ARL15: variants seen among roughly 807,000 people sequenced by gnomAD.
ARL15 encodes the protein ADP-ribosylation factor-like protein 15.
In ARL15, 19 loss-of-function variants were observed where a neutral mutation model predicts 25.2. The ratio of observed to expected loss-of-function variants is 0.75; its 90% CI spans 0.53 to 1.10. The LOEUF (loss-of-function observed/expected upper bound fraction) is 1.10, where lower values mean the gene tolerates loss of function less well. Among genes scored for constraint, ARL15 ranks in the 50% least tolerant of loss-of-function variants. The pLI is 0.00. For synonymous variants in ARL15, 94 were observed against 86.8 expected (o/e 1.08, Z -0.46); for missense variants, 220 against 246.0 (o/e 0.89, Z 0.71).
At chr5:54,148,363 T>A (rs184848257) in intron 3 of ARL15, among the ~76,000 whole-genome samples, 35 of 152,288 alleles carry the variant, frequency 2.3e-4, no homozygotes, top group Admixed American at 5.9e-4. Flanking sequence ...ATCTGTTTCA[T>A]ATAACAGCTT....
chr5:54,275,687 ATTTAT>A (rs946450469), intron 1 of ARL15, among the ~76,000 whole-genome samples: 14 of 142,194 alleles, frequency 9.8e-5, no homozygotes, highest in African/African-American at 3.9e-4. Flanking sequence ...TTATTATTTT[ATTTAT>A]TTTTTTTTTT....
At chr5:54,297,917 G>A (rs1322000109) in intron 1 of ARL15, among the ~76,000 whole-genome samples, 1 of 152,108 alleles carries the variant, frequency 6.6e-6, no homozygotes, top group African/African-American at 2.4e-5. Context: ...CCAGCAGCTG[G>A]GACTACAGGT....
rs1207420338 is a variant in ARL15, at chr5:54,279,525, C to A, written c.48+30907G>T. Among the ~76,000 whole-genome samples, 4 of 152,112 alleles carry A rather than the reference C, an allele frequency of 2.6e-5. 1 individual carries two copies. The highest frequency in any genetic ancestry group is 9.7e-5 in the African/African-American group (4 of 41,418). ...GCTAATCCCATCAGGAGGGCCCCAC[C>A]CTCATGACCTCATCTAAACCTAATT... On this transcript the variant is annotated intron_variant, in intron 1 of 4. Transcript: ENST00000504924.
chr5:53,930,044 G>T (rs991641918), intron 4 of ARL15, among the ~76,000 whole-genome samples: 6 of 152,094 alleles, frequency 3.9e-5, no homozygotes, highest in Non-Finnish European at 2.9e-5. Context: ...AAGGCTCAAT[G>T]ATATTAAATA....
At chr5:53,951,964 ATT>A (rs1398710496) in intron 4 of ARL15, among the ~76,000 whole-genome samples, 1 of 150,478 alleles carries the variant, frequency 6.6e-6, no homozygotes, top group Non-Finnish European at 1.5e-5. Flanking sequence ...GATTTTGGAA[ATT>A]GTGTGTGAAA....
chr5:53,965,292 A>G (rs1245561088), intron 4 of ARL15, among the ~76,000 whole-genome samples: 5 of 152,192 alleles, frequency 3.3e-5, no homozygotes, highest in Admixed American at 2.6e-4. Flanking sequence ...AAATTTATTC[A>G]TGGTATTTTG....
Position 53,884,032 on chromosome 5 carries a change from C to T in ARL15, c.*2529G>A, listed in dbSNP as rs1244522241. 2 of 152,064 alleles carry T rather than the reference C, an allele frequency of 1.3e-5. No individual in the cohort carries two copies. The highest frequency in any genetic ancestry group is 4.8e-5 in the African/African-American group (2 of 41,400). 9.4% of individuals were successfully genotyped at this position (152,064 alleles called of 1,614,324 possible). On this transcript the variant is annotated 3_prime_UTR_variant, in exon 5 of 5. Transcript: ENST00000504924. ...AAGTTGGTCTTGCCTGGTAAATGTCCACATGAATCTGTTAGCCTCTAAGTA... is the reference window on the plus strand; with the variant it reads ...AAGTTGGTCTTGCCTGGTAAATGTCTACATGAATCTGTTAGCCTCTAAGTA...
intron 1 of ARL15, among the ~76,000 whole-genome samples, chr5:54,201,732 A>T (rs953480216): frequency 2.6e-5 from 4 of 152,126 alleles, no homozygotes; most frequent in Non-Finnish European, 5.9e-5. Flanking sequence ...AACCCAATGC[A>T]GTGGTCCCTA....
chr5:53,919,682 A>G (rs1421123645), intron 4 of ARL15, among the ~76,000 whole-genome samples: 2 of 152,192 alleles, frequency 1.3e-5, no homozygotes, highest in African/African-American at 4.8e-5. Context: ...GAATGGCAAC[A>G]GGGAGGGAAC....
intron 4 of ARL15, among the ~76,000 whole-genome samples, chr5:53,965,960 T>C (rs1747546583): frequency 6.6e-6 from 1 of 152,224 alleles, no homozygotes; most frequent in African/African-American, 2.4e-5. Flanking sequence ...TTTGGATAGC[T>C]GTGATATTGT....
At chr5:54,185,585 A>G (rs1755213683) in intron 1 of ARL15, among the ~76,000 whole-genome samples, 1 of 152,188 alleles carries the variant, frequency 6.6e-6, no homozygotes, top group Admixed American at 6.5e-5. Flanking sequence ...GGCTATGATT[A>G]AAAGCATGGT....
At chr5:53,948,516 A>C (rs1308820811) in intron 4 of ARL15, among the ~76,000 whole-genome samples, 2 of 152,314 alleles carry the variant, frequency 1.3e-5, no homozygotes, top group Non-Finnish European at 2.9e-5. Flanking sequence ...ATTCTTATTC[A>C]CTGAACAGAA....
At chr5:53,999,104 G>A (rs188526436) in intron 4 of ARL15, among the ~76,000 whole-genome samples, 1 of 152,250 alleles carries the variant, frequency 6.6e-6, no homozygotes, top group East Asian at 1.9e-4. Flanking sequence ...AATCTCCTAG[G>A]TAGAAAGAAC....
intron 4 of ARL15, among the ~76,000 whole-genome samples, chr5:53,946,455 G>GAAAAAAAAAAAAAAA (rs55727717): frequency 2.3e-5 from 1 of 43,956 alleles, no homozygotes; most frequent in Non-Finnish European, 4.0e-5. Flanking sequence ...GTCTCAAGAG[G>GAAAAAAAAAAAAAAA]AAAAAAAAAA....
intron 1 of ARL15, among the ~76,000 whole-genome samples, chr5:54,300,423 G>A (rs978089741): frequency 6.6e-6 from 1 of 152,184 alleles, no homozygotes; most frequent in African/African-American, 2.4e-5. Context: ...CAGATGCCAG[G>A]CATGTGTATG....
intron 1 of ARL15, among the ~76,000 whole-genome samples, chr5:54,214,694 G>C (rs1468211352): frequency 2.0e-5 from 3 of 152,074 alleles, no homozygotes; most frequent in Non-Finnish European, 4.4e-5. Context: ...CACTTCCTGT[G>C]GCCATTTCCA....
At chr5:54,300,803 C>G (rs966432496) in intron 1 of ARL15, among the ~76,000 whole-genome samples, 1 of 152,180 alleles carries the variant, frequency 6.6e-6, no homozygotes, top group Non-Finnish European at 1.5e-5. Flanking sequence ...CCAGTCTTCC[C>G]TCCCTTTCCA....
chr5:53,912,199 T>C (rs1176658022), intron 4 of ARL15: 1 of 152,114 alleles, frequency 6.6e-6, no homozygotes, highest in Non-Finnish European at 1.5e-5. Flanking sequence ...GAAAGTACTA[T>C]TATTATTCCA....
intron 1 of ARL15, among the ~76,000 whole-genome samples, chr5:54,240,232 TAAA>T (rs36061787): frequency 7.5e-6 from 1 of 132,780 alleles, no homozygotes; most frequent in Non-Finnish European, 1.6e-5. Context: ...ATCTCAAAAA[TAAA>T]AAAAAAAAAA....
Sources: allele counts gnomAD v4.1 joint callset (sites outside exome capture counted in the v4.1 genomes callset), GRCh38; gene constraint gnomAD v4.1.1; transcripts MANE v1.5; gene names NCBI Gene and HGNC (gene_info 2026-07-23, HGNC 2026-07-21).